PCDH9: variants seen among roughly 807,000 people sequenced by gnomAD.
PCDH9 encodes the protein protocadherin 9, also known as protocadherin-9.
Under a neutral mutation model 70.6 loss-of-function variants are expected in PCDH9, and 24 were observed. The ratio of observed to expected loss-of-function variants is 0.34; its 90% confidence interval spans 0.25 to 0.48. The LOEUF (loss-of-function observed/expected upper bound fraction) is 0.48. Ranked by LOEUF, PCDH9 falls within the 20% of genes least tolerant of loss-of-function variation. The probability of loss-of-function intolerance (pLI) is 0.99; values close to 1 mark genes in which losing one functional copy is unlikely to be tolerated. For missense variants in PCDH9, 1,281 were observed against 1,503.6 expected (o/e 0.85, Z 2.45); for synonymous variants, 562 against 558.5 (o/e 1.01, Z -0.09).
At chr13:66,752,370 C>T (rs775673418) in intron 3 of PCDH9, among the ~76,000 whole-genome samples, 41 of 152,158 alleles carry the variant, frequency 2.7e-4, no homozygotes, top group Non-Finnish European at 4.6e-4. Flanking sequence ...AATCTTGGCT[C>T]GCTGCAGCCT....
intron 2 of PCDH9, among the ~76,000 whole-genome samples, chr13:66,944,802 ATCT>A (rs1294892212): frequency 7.3e-6 from 1 of 137,820 alleles, no homozygotes; most frequent in Non-Finnish European, 1.5e-5. Flanking sequence ...TTTAAGGCCC[ATCT>A]TCTAATCGTC....
At position 67,045,506 on chromosome 13, in the gene PCDH9, G is replaced by A. The variant is rs567570638; in HGVS notation, c.3037-141901C>T. 5.9e-5 allele frequency among the ~76,000 whole-genome samples: 9 copies of A among 151,656 alleles called. No individual in the cohort carries two copies. In the South Asian group the frequency reaches 1.9e-3, roughly 32 times the overall value. ...CTCTCATTTCCACTTTAGATCACTT[G>A]GTTTCTAGCTTGATAATGCAGTGGT... On this transcript the variant is annotated intron_variant, in intron 2 of 4. Coordinates refer to ENST00000377865, the MANE Select transcript of PCDH9 (RefSeq NM_203487.3).
chr13:66,567,336 T>G (rs1345070306), intron 4 of PCDH9, among the ~76,000 whole-genome samples: 1 of 152,172 alleles, frequency 6.6e-6, no homozygotes, highest in Non-Finnish European at 1.5e-5. Flanking sequence ...GGTATGGGGA[T>G]GGAGCTTTTA....
intron 2 of PCDH9, among the ~76,000 whole-genome samples, chr13:67,137,216 T>G (rs1182998774): frequency 6.6e-6 from 1 of 152,230 alleles, no homozygotes; most frequent in African/African-American, 2.4e-5. Flanking sequence ...AATCATTTTG[T>G]TCGGTAAATA....
intron 4 of PCDH9, among the ~76,000 whole-genome samples, chr13:66,623,148 G>A (rs1052125473): frequency 3.3e-5 from 5 of 152,172 alleles, no homozygotes; most frequent in African/African-American, 9.7e-5. Context: ...GAGGGTCCGC[G>A]GCTTCATTCT....
At chr13:67,084,796 G>A (rs1040111726) in intron 2 of PCDH9, among the ~76,000 whole-genome samples, 8 of 150,556 alleles carry the variant, frequency 5.3e-5, no homozygotes, top group South Asian at 4.2e-4. Flanking sequence ...GTGAAACCCC[G>A]TCTCTATTAA....
At chr13:66,704,965 T>C (rs2078692311) in intron 3 of PCDH9, among the ~76,000 whole-genome samples, 1 of 152,110 alleles carries the variant, frequency 6.6e-6, no homozygotes, top group South Asian at 2.1e-4. Flanking sequence ...TTTGTTTTCA[T>C]CAATGCTTAA....
intron 2 of PCDH9, among the ~76,000 whole-genome samples, chr13:67,168,940 CAT>C (rs1227347678): frequency 1.3e-5 from 2 of 152,162 alleles, no homozygotes; most frequent in African/African-American, 2.4e-5. Flanking sequence ...AGTCTGGACT[CAT>C]ATGATTATGA....
rs922350946 is a variant in PCDH9, at chr13:66,918,397, T to A, written c.3037-14792A>T. On this transcript the variant is annotated intron_variant, in intron 2 of 4. Coordinates refer to ENST00000377865, the MANE Select transcript of PCDH9 (RefSeq NM_203487.3). ...TTGCTTCTTATAACCAGAAGTGTGT[T>A]CAACATTGACTTTTATAATTGTAAC... Among the ~76,000 whole-genome samples the A allele has an allele frequency of 2.6e-5, 4 of 151,328 alleles. No individual in the cohort carries two copies. The Admixed American group carries it at 2.7e-4, about 10-fold the overall frequency.
At chr13:66,327,277 C>G (rs545741430) in intron 4 of PCDH9, among the ~76,000 whole-genome samples, 1 of 152,098 alleles carries the variant, frequency 6.6e-6, no homozygotes, top group Non-Finnish European at 1.5e-5. Flanking sequence ...ACCTAAATCC[C>G]CCATGCTGTA....
At chr13:67,074,025 T>C (rs1426151828) in intron 2 of PCDH9, among the ~76,000 whole-genome samples, 1 of 148,204 alleles carries the variant, frequency 6.7e-6, no homozygotes, top group Non-Finnish European at 1.5e-5. Flanking sequence ...CTCATTGAGA[T>C]GAAATTCTAT....
Position 66,602,430 on chromosome 13 carries a change from G to A in PCDH9, c.3340+28780C>T, listed in dbSNP as rs981092941. 4.1e-5 allele frequency among the ~76,000 whole-genome samples: 6 copies of A among 145,326 alleles called. 2 individuals carry two copies. Among genetic ancestry groups the A allele is most frequent in the Non-Finnish European group, 9.3e-5 (6 of 64,802 alleles). ...TGCAGAGGTGGAAGGCAGTGATATTGATCTTGACCGTGCATAGGCCTAGAT... is the reference window on the plus strand; with the variant it reads ...TGCAGAGGTGGAAGGCAGTGATATTAATCTTGACCGTGCATAGGCCTAGAT... On this transcript the variant is annotated intron_variant, in intron 4 of 4. Transcript: ENST00000377865.
chr13:66,943,314 C>T (rs985635338), intron 2 of PCDH9, among the ~76,000 whole-genome samples: 3 of 151,952 alleles, frequency 2.0e-5, no homozygotes, highest in South Asian at 2.1e-4. Context: ...ATGAATTGCT[C>T]GGCCTCTTTT....
intron 2 of PCDH9, among the ~76,000 whole-genome samples, chr13:67,031,174 T>A (rs2084898587): frequency 6.6e-6 from 1 of 152,142 alleles, no homozygotes; most frequent in African/African-American, 2.4e-5. Flanking sequence ...AAGCGGGTGT[T>A]AAGTAAAGAA....
At chr13:66,821,041 C>A (rs931622547) in intron 3 of PCDH9, among the ~76,000 whole-genome samples, 4 of 152,088 alleles carry the variant, frequency 2.6e-5, no homozygotes, top group Admixed American at 1.3e-4. Flanking sequence ...TTATTCTATT[C>A]ATAAGCTTCG....
At chr13:66,942,541 T>TAA (rs1193982186) in intron 2 of PCDH9, among the ~76,000 whole-genome samples, 1 of 151,948 alleles carries the variant, frequency 6.6e-6, no homozygotes, top group Non-Finnish European at 1.5e-5. Context: ...ATGAAAAAAT[T>TAA]AAGGCTCAAA....
chr13:66,844,692 T>A (rs1218922857), intron 3 of PCDH9, among the ~76,000 whole-genome samples: 1 of 152,146 alleles, frequency 6.6e-6, no homozygotes, highest in South Asian at 2.1e-4. Flanking sequence ...CTAAAACTTA[T>A]ATTTCATGCA....
chr13:66,714,984 C>G (rs752503166), intron 3 of PCDH9, among the ~76,000 whole-genome samples: 2 of 152,142 alleles, frequency 1.3e-5, no homozygotes, highest in Non-Finnish European at 2.9e-5. Context: ...AAACATTTAT[C>G]ATACTGCCTC....
chr13:66,841,544 A>T (rs1184716729), intron 3 of PCDH9, among the ~76,000 whole-genome samples: 4 of 152,224 alleles, frequency 2.6e-5, no homozygotes, highest in Non-Finnish European at 5.9e-5. Context: ...TATACTCAAC[A>T]TATTTCATAA....
Sources: allele counts gnomAD v4.1 joint callset (sites outside exome capture counted in the v4.1 genomes callset), GRCh38; gene constraint gnomAD v4.1.1; transcripts MANE v1.5; gene names NCBI Gene and HGNC (gene_info 2026-07-23, HGNC 2026-07-21).